MISP3: variants seen among roughly 807,000 people sequenced by gnomAD.
The protein encoded by MISP3 is uncharacterized protein MISP3.
Under a neutral mutation model 5.5 loss-of-function variants are expected in MISP3, and 9 were observed. The ratio of observed to expected loss-of-function variants is 1.65; its 90% CI spans 0.99 to 2.87. The LOEUF (loss-of-function observed/expected upper bound fraction) is 2.87. Among genes scored for constraint, MISP3 ranks in the 30% most tolerant of loss-of-function variants. The pLI is 0.00. For missense variants in MISP3, 152 were observed against 84.1 expected (o/e 1.81, Z -3.16); for synonymous variants, 87 against 38.1 (o/e 2.28, Z -4.73).
rs940157465 is a variant in MISP3, at chr19:14,074,403, C to T, written c.582C>T (p.Asp194=). The change falls in exon 2 of 3, where the codon GAC becomes GAT. Residue 194 remains aspartate, a synonymous_variant. Transcript: ENST00000587086. This position sits in a 1 kb window ranked among gnomAD's most constrained non-coding sequence, Gnocchi z 4.4. ...PTPSLTASRG[D]GKLVVIWPPR... is the part of the protein sequence containing the mutation. ...CTTCCCCCGCAGCGAGCAGGGGCGACGGAAAGTTGGTGGTGATCTGGCCCC... is the reference window on the plus strand; with the variant it reads ...CTTCCCCCGCAGCGAGCAGGGGCGATGGAAAGTTGGTGGTGATCTGGCCCC... The T allele has an allele frequency of 7.1e-6, 5 of 702,638 alleles. No homozygotes were observed. The highest frequency in any genetic ancestry group is 7.0e-5 in the African/African-American group (4 of 57,218). 43.5% of individuals were successfully genotyped at this position (702,638 alleles called of 1,614,324 possible). A position where few individuals can be genotyped will look rare whatever the true frequency, so the allele number is the denominator to read the frequency against.
In MISP3 at chr19:14,073,789, C is replaced by G; in HGVS notation, c.480C>G (p.Ala160=). 1 of 701,168 alleles carries G rather than the reference C, an allele frequency of 1.4e-6. No individual in the cohort carries two copies. Among genetic ancestry groups the G allele is most frequent in the Non-Finnish European group, 2.6e-6 (1 of 384,272 alleles). 43.4% of individuals were successfully genotyped at this position (701,168 alleles called of 1,614,324 possible). Residue 160 remains alanine (A), a synonymous_variant, in exon 1 of 3, where the codon GCC becomes GCG. Coordinates refer to ENST00000587086, the MANE Select transcript of MISP3 (RefSeq NM_001291291.2). The surrounding 1 kb of genome is among the most constrained non-coding windows in gnomAD (Gnocchi z 8.5). ...CACTGCTGGAGCAGGAGGTGCGCGC[C>G]GTGCGCGAGCGCGAGCAGGAACTGC... ...TPSLLEQEVR[A]VREREQELQR...
In MISP3 at chr19:14,074,158, G is replaced by A; in HGVS notation, c.569-232G>A. 1.7e-6 allele frequency: 1 copy of A among 593,266 alleles called. No homozygotes were observed. The highest frequency in any genetic ancestry group is 4.4e-4 in the Middle Eastern group (1 of 2,282). The allele number at this position is 593,266 out of a possible 1,614,324, so 36.8% of individuals were successfully genotyped here. ...ATGTCTTCCTTTTTGTCGGGTTCCA[G>A]GGAACCCTGACTGGGTTCTGGCACT... On this transcript the variant is annotated intron_variant, in intron 1 of 2. Transcript: ENST00000587086. The surrounding 1 kb of genome is among the most constrained non-coding windows in gnomAD (Gnocchi z 4.4).
rs1234629739 is a variant in MISP3 at position 14,074,380 on chromosome 19, T to C, written c.569-10T>C. The C allele has an allele frequency of 4.1e-5, 29 of 702,062 alleles. No homozygotes were observed. In the East Asian group the frequency reaches 7.5e-4, roughly 18 times the overall value. The allele number at this position is 702,062 out of a possible 1,614,324, so 43.5% of individuals were successfully genotyped here. A position where few individuals can be genotyped will look rare whatever the true frequency, so the allele number is the denominator to read the frequency against. ...GCCAGCTGGTGAGCTGAGCGCCCCT[T>C]CCCCCGCAGCGAGCAGGGGCGACGG... On this transcript the variant is annotated splice_polypyrimidine_tract_variant and intron_variant, in intron 1 of 2. Coordinates refer to ENST00000587086, the MANE Select transcript of MISP3 (RefSeq NM_001291291.2). This position sits in a 1 kb window ranked among gnomAD's most constrained non-coding sequence, Gnocchi z 4.4.
At position 14,073,576 on chromosome 19, in the gene MISP3, C is replaced by T; in HGVS notation, c.267C>T (p.Ala89=). 1 of 262,542 alleles carries T rather than the reference C, an allele frequency of 3.8e-6. No individual in the cohort carries two copies. The highest frequency in any genetic ancestry group is 7.2e-5 in the East Asian group (1 of 13,874). The allele number at this position is 262,542 out of a possible 1,614,324, so 16.3% of individuals were successfully genotyped here. ...GCCCCGCGGTCCCCGAGCCGCGCGC[C>T]CGGTCGCCGCCGCAGCCGCTGGGCG... ...LARPAVPEPR[A]RSPPQPLGEL... The change falls in exon 1 of 3, where the codon GCC becomes GCT. Residue 89 remains alanine (A), a synonymous_variant. Transcript: ENST00000587086. This position sits in a 1 kb window ranked among gnomAD's most constrained non-coding sequence, Gnocchi z 8.5.
At position 14,073,848 on chromosome 19, in the gene MISP3, A is replaced by C; in HGVS notation, c.539A>C (p.Glu180Ala). Residue 180 changes from glutamate to alanine, a missense_variant, in exon 1 of 3, where the codon GAG becomes GCG. Coordinates refer to ENST00000587086, the MANE Select transcript of MISP3 (RefSeq NM_001291291.2). The surrounding 1 kb of genome is among the most constrained non-coding windows in gnomAD (Gnocchi z 8.5). ...CGGCGCAGCGTCTATGGCACCGCGG[A>C]GTTCAAGGAGCCTACGCCGAGCCTC... ...RQRRSVYGTA[E>A]FKEPTPSLTA... 1 of 701,798 alleles carries C rather than the reference A, an allele frequency of 1.4e-6. No homozygotes were observed. Among genetic ancestry groups the C allele is most frequent in the Non-Finnish European group, 2.6e-6 (1 of 384,546 alleles). 43.5% of individuals were successfully genotyped at this position (701,798 alleles called of 1,614,324 possible).
At position 14,074,299 on chromosome 19, in the gene MISP3, A is replaced by G. The variant is rs975207050; in HGVS notation, c.569-91A>G. On this transcript the variant is annotated intron_variant, in intron 1 of 2. Transcript: ENST00000587086. The surrounding 1 kb of genome is among the most constrained non-coding windows in gnomAD (Gnocchi z 4.4). ...AATGGAGGCTTTCATGGGGAGGCGG[A>G]GGGTGAACGCCTGTGTGTGTTTAAG... 9.0e-6 allele frequency: 6 copies of G among 663,948 alleles called. No individual in the cohort carries two copies. Among genetic ancestry groups the G allele is most frequent in the Admixed American group, 2.2e-5 (1 of 45,136 alleles). 41.1% of individuals were successfully genotyped at this position (663,948 alleles called of 1,614,324 possible).
Position 14,073,716 on chromosome 19 carries a change from A to AGGGCGGG in MISP3, c.408_414dup (p.Cys139GlyfsTer96). On this transcript the variant is annotated frameshift_variant, in exon 1 of 3. Transcript: ENST00000587086. LOFTEE classifies it high-confidence loss of function. The surrounding 1 kb of genome is among the most constrained non-coding windows in gnomAD (Gnocchi z 8.5). ...GGGGGACGGCCGCGCTCGGCCGTGC[A>AGGGCGGG]GGGCGGGTGCCGGGTGCTGGGCAGC... 3.1e-6 allele frequency: 2 copies of AGGGCGGG among 652,438 alleles called. No homozygotes were observed. The highest frequency in any genetic ancestry group is 2.8e-6 in the Non-Finnish European group (1 of 363,508). The allele number at this position is 652,438 out of a possible 1,614,324, so 40.4% of individuals were successfully genotyped here. A position where few individuals can be genotyped will look rare whatever the true frequency, so the allele number is the denominator to read the frequency against.
chr19:14,073,817 C>T lies in MISP3; in HGVS notation c.508C>T (p.Arg170Cys). The T allele has an allele frequency of 1.4e-6, 1 of 701,806 alleles. No individual in the cohort carries two copies. Among genetic ancestry groups the T allele is most frequent in the African/African-American group, 1.7e-5 (1 of 57,352 alleles). The allele number at this position is 701,806 out of a possible 1,614,324, so 43.5% of individuals were successfully genotyped here. A position where few individuals can be genotyped will look rare whatever the true frequency, so the allele number is the denominator to read the frequency against. The change falls in exon 1 of 3, where the codon CGC becomes TGC. Residue 170 changes from arginine to cysteine, a missense_variant. Transcript: ENST00000587086. The surrounding 1 kb of genome is among the most constrained non-coding windows in gnomAD (Gnocchi z 8.5). ...AVREREQELQ[R>C]QRRSVYGTAE... ...GCGCGAGCGCGAGCAGGAACTGCAG[C>T]GCCAGCGGCGCAGCGTCTATGGCAC...
Position 14,073,517 on chromosome 19 carries a change from G to T in MISP3, c.208G>T (p.Glu70Ter). ...GGGCGCGCAGATGCAGCGGGACATC[G>T]AGCGGGAGGCCCACCGGCAGGCGGC... ...RAGAQMQRDI[E>*]REAHRQAALA... Residue 70 changes from glutamate to a stop codon, truncating the protein, a stop_gained, in exon 1 of 3, where the codon GAG becomes TAG. Transcript: ENST00000587086. LOFTEE classifies it high-confidence loss of function. The surrounding 1 kb of genome is among the most constrained non-coding windows in gnomAD (Gnocchi z 8.5). 3.0e-6 allele frequency: 1 copy of T among 335,004 alleles called. No individual in the cohort carries two copies. Among genetic ancestry groups the T allele is most frequent in the South Asian group, 1.2e-4 (1 of 8,378 alleles). 20.8% of individuals were successfully genotyped at this position (335,004 alleles called of 1,614,324 possible).
chr19:14,074,373 C>T lies in MISP3; in HGVS notation c.569-17C>T. 1 of 702,286 alleles carries T rather than the reference C, an allele frequency of 1.4e-6. No individual in the cohort carries two copies. The highest frequency in any genetic ancestry group is 2.6e-6 in the Non-Finnish European group (1 of 384,710). The allele number at this position is 702,286 out of a possible 1,614,324, so 43.5% of individuals were successfully genotyped here. Reference sequence around the variant, plus strand: ...GGCTGCCGCCAGCTGGTGAGCTGAGCGCCCCTTCCCCCGCAGCGAGCAGGG... The same window carrying T: ...GGCTGCCGCCAGCTGGTGAGCTGAGTGCCCCTTCCCCCGCAGCGAGCAGGG... On this transcript the variant is annotated splice_polypyrimidine_tract_variant and intron_variant, in intron 1 of 2. Transcript: ENST00000587086. This position sits in a 1 kb window ranked among gnomAD's most constrained non-coding sequence, Gnocchi z 4.4.
Position 14,074,530 on chromosome 19 carries a change from G to C in MISP3, c.642+67G>C. 1 of 683,324 alleles carries C rather than the reference G, an allele frequency of 1.5e-6. No individual in the cohort carries two copies. Among genetic ancestry groups the C allele is most frequent in the Non-Finnish European group, 2.7e-6 (1 of 372,704 alleles). 42.3% of individuals were successfully genotyped at this position (683,324 alleles called of 1,614,324 possible). A position where few individuals can be genotyped will look rare whatever the true frequency, so the allele number is the denominator to read the frequency against. ...CCCCCCACCCCTCCGGTGCCAGGAC[G>C]CTTGGTGGGGAAAAGTGCATCCTCC... On this transcript the variant is annotated intron_variant, in intron 2 of 2. Transcript: ENST00000587086. This position sits in a 1 kb window ranked among gnomAD's most constrained non-coding sequence, Gnocchi z 4.4.
Position 14,075,014 on chromosome 19 carries a change from C to T in MISP3, c.*291C>T. The stretch of plus-strand genomic sequence containing the variant: ...GTTAAGAGGGCCGGAGTTACCGCCT[C>T]GATTGCCCCACTCCCCCCACCCCCA... On this transcript the variant is annotated 3_prime_UTR_variant, in exon 3 of 3. Transcript: ENST00000587086. 2.8e-6 allele frequency: 1 copy of T among 355,102 alleles called. No individual in the cohort carries two copies. The highest frequency in any genetic ancestry group is 5.3e-6 in the Non-Finnish European group (1 of 188,812). The allele number at this position is 355,102 out of a possible 1,614,324, so 22.0% of individuals were successfully genotyped here. A position where few individuals can be genotyped will look rare whatever the true frequency, so the allele number is the denominator to read the frequency against.
At position 14,074,204 on chromosome 19, in the gene MISP3, T is replaced by G; in HGVS notation, c.569-186T>G. ...GCACTCCTGGGTCCTCCCTCTGAAT[T>G]TTCGGGCTCCTGCTTCTCCATTCTG... On this transcript the variant is annotated intron_variant, in intron 1 of 2. Coordinates refer to ENST00000587086, the MANE Select transcript of MISP3 (RefSeq NM_001291291.2). This position sits in a 1 kb window ranked among gnomAD's most constrained non-coding sequence, Gnocchi z 4.4. 1 of 595,814 alleles carries G rather than the reference T, an allele frequency of 1.7e-6. No individual in the cohort carries two copies. The highest frequency in any genetic ancestry group is 2.0e-5 in the South Asian group (1 of 49,076). The allele number at this position is 595,814 out of a possible 1,614,324, so 36.9% of individuals were successfully genotyped here.
In MISP3 at chr19:14,073,563, C is replaced by A; in HGVS notation, c.254C>A (p.Pro85His). The A allele has an allele frequency of 4.0e-6, 1 of 247,728 alleles. No individual in the cohort carries two copies. The highest frequency in any genetic ancestry group is 1.5e-4 in the South Asian group (1 of 6,516). The allele number at this position is 247,728 out of a possible 1,614,324, so 15.3% of individuals were successfully genotyped here. A position where few individuals can be genotyped will look rare whatever the true frequency, so the allele number is the denominator to read the frequency against. Residue 85 changes from proline (P) to histidine (H), a missense_variant, in exon 1 of 3, where the codon CCC becomes CAC. Pro to His is a moderately conservative substitution (Grantham distance 77). Transcript: ENST00000587086. This position sits in a 1 kb window ranked among gnomAD's most constrained non-coding sequence, Gnocchi z 8.5. ...RQAALARPAVPEPRARSPPQP... is the reference protein window; with the variant it reads ...RQAALARPAVHEPRARSPPQP... ...GCGGCGCTGGCGCGCCCCGCGGTCCCCGAGCCGCGCGCCCGGTCGCCGCCG... is the reference window on the plus strand; with the variant it reads ...GCGGCGCTGGCGCGCCCCGCGGTCCACGAGCCGCGCGCCCGGTCGCCGCCG...
Position 14,074,426 on chromosome 19 carries a change from C to T in MISP3, c.605C>T (p.Pro202Leu), listed in dbSNP as rs772454436. The stretch of plus-strand genomic sequence containing the variant: ...GACGGAAAGTTGGTGGTGATCTGGC[C>T]CCCCCGCAGAAAGGTCTCGGAGAAC... ...RGDGKLVVIW[P>L]PRRKVSENGL... Residue 202 changes from proline to leucine, a missense_variant, in exon 2 of 3, where the codon CCC becomes CTC. Transcript: ENST00000587086. This position sits in a 1 kb window ranked among gnomAD's most constrained non-coding sequence, Gnocchi z 4.4. 12 of 702,730 alleles carry T rather than the reference C, an allele frequency of 1.7e-5. No homozygotes were observed. Among genetic ancestry groups the T allele is most frequent in the South Asian group, 1.2e-4 (8 of 67,576 alleles). The allele number at this position is 702,730 out of a possible 1,614,324, so 43.5% of individuals were successfully genotyped here. A position where few individuals can be genotyped will look rare whatever the true frequency, so the allele number is the denominator to read the frequency against.
At position 14,074,165 on chromosome 19, in the gene MISP3, C is replaced by T; in HGVS notation, c.569-225C>T. ...CCTTTTTGTCGGGTTCCAGGGAACC[C>T]TGACTGGGTTCTGGCACTCCTGGGT... On this transcript the variant is annotated intron_variant, in intron 1 of 2. Coordinates refer to ENST00000587086, the MANE Select transcript of MISP3 (RefSeq NM_001291291.2). This position sits in a 1 kb window ranked among gnomAD's most constrained non-coding sequence, Gnocchi z 4.4. 1 of 594,582 alleles carries T rather than the reference C, an allele frequency of 1.7e-6. No individual in the cohort carries two copies. Among genetic ancestry groups the T allele is most frequent in the South Asian group, 2.1e-5 (1 of 48,604 alleles). 36.8% of individuals were successfully genotyped at this position (594,582 alleles called of 1,614,324 possible).
chr19:14,074,843 C>T lies in MISP3; in HGVS notation c.*120C>T. On this transcript the variant is annotated 3_prime_UTR_variant, in exon 3 of 3. Transcript: ENST00000587086. The surrounding 1 kb of genome is among the most constrained non-coding windows in gnomAD (Gnocchi z 4.4). ...CTCTCTGCATTGGGGAAGATGAAAT[C>T]GACTTGCCTTTGTGAAATTGACCAG... The T allele has an allele frequency of 3.0e-6, 2 of 661,078 alleles. No homozygotes were observed. Among genetic ancestry groups the T allele is most frequent in the Non-Finnish European group, 5.6e-6 (2 of 354,670 alleles). 41.0% of individuals were successfully genotyped at this position (661,078 alleles called of 1,614,324 possible). A position where few individuals can be genotyped will look rare whatever the true frequency, so the allele number is the denominator to read the frequency against.
At position 14,073,098 on chromosome 19, in the gene MISP3, A is replaced by G. The variant is rs1976613510; in HGVS notation, c.-212A>G. On this transcript the variant is annotated 5_prime_UTR_variant, in exon 1 of 3. Transcript: ENST00000587086. This position sits in a 1 kb window ranked among gnomAD's most constrained non-coding sequence, Gnocchi z 8.5. ...GAGCCATCAGTCGAGCAGGACGCAG[A>G]GAGCCCCGGGCTGTCCACAGCTGCG... is the stretch of plus-strand genomic sequence containing the variant. The G allele has an allele frequency of 1.6e-6, 1 of 642,230 alleles. No homozygotes were observed. The allele number at this position is 642,230 out of a possible 1,614,324, so 39.8% of individuals were successfully genotyped here.
In MISP3 at chr19:14,073,752, C is replaced by T. The variant is rs760190957; in HGVS notation, c.443C>T (p.Pro148Leu). The change falls in exon 1 of 3, where the codon CCT becomes CTT. Residue 148 changes from proline to leucine, a missense_variant. Coordinates refer to ENST00000587086, the MANE Select transcript of MISP3 (RefSeq NM_001291291.2). This position sits in a 1 kb window ranked among gnomAD's most constrained non-coding sequence, Gnocchi z 8.5. ...CGGGTGCTGGGCAGCGCCCCGCCGC[C>T]TTTCACTCCGTCACTGCTGGAGCAG... is the stretch of plus-strand genomic sequence containing the variant. ...GCRVLGSAPP[P>L]FTPSLLEQEV... 3.6e-4 allele frequency: 252 copies of T among 694,390 alleles called. No homozygotes were observed. The highest frequency in any genetic ancestry group is 6.1e-4 in the Non-Finnish European group (233 of 381,586). 43.0% of individuals were successfully genotyped at this position (694,390 alleles called of 1,614,324 possible).
Sources: gnomAD v4.1 joint callset for allele counts on GRCh38, gnomAD v4.1.1 for gene constraint, Gnocchi (gnomAD v3.1) non-coding constraint, MANE v1.5 for transcripts, NCBI Gene and HGNC (gene_info 2026-07-23, HGNC 2026-07-21) for gene names.